The following SRPK1 variants were observed in gnomAD, a reference collection of about 807,000 sequenced individuals.
The protein encoded by SRPK1 is SRSF protein kinase 1.
Under a neutral mutation model 89.5 loss-of-function variants are expected in SRPK1, and 52 were observed. The ratio of observed to expected loss-of-function variants is 0.58; its 90% CI spans 0.46 to 0.73. SRPK1 has a LOEUF of 0.73. Among genes scored for constraint, SRPK1 ranks in the 30% least tolerant of loss-of-function variants. The pLI, the probability that SRPK1 is intolerant of heterozygous loss-of-function variation, is 0.00. For missense variants in SRPK1, 603 were observed against 780.6 expected (o/e 0.77, Z 2.71); for synonymous variants, 255 against 270.2 (o/e 0.94, Z 0.55).
At chr6:35,870,545 C>A (rs914791195) in intron 9 of SRPK1, 51 bp from the exon 10 acceptor site, 16 of 1,480,088 alleles carry the variant, frequency 1.1e-5, no homozygotes, top group Non-Finnish European at 1.4e-5. Context: ...AATTAATTAC[C>A]CCCAGTTGGA....
intron 2 of SRPK1, among the ~76,000 whole-genome samples, chr6:35,902,406 C>A (rs1581595847): frequency 6.6e-6 from 1 of 151,480 alleles, no homozygotes; most frequent in African/African-American, 2.4e-5. Context: ...CAAAGTGAGA[C>A]CCTGTTTCTA....
intron 12 of SRPK1, among the ~76,000 whole-genome samples, chr6:35,862,248 G>A (rs1355898471): frequency 3.3e-5 from 5 of 151,976 alleles, no homozygotes; most frequent in Admixed American, 3.3e-4. Flanking sequence ...ACTAACACTG[G>A]AATCAACGCT....
At chr6:35,843,715 C>T (rs963275492) in intron 13 of SRPK1, among the ~76,000 whole-genome samples, 4 of 152,128 alleles carry the variant, frequency 2.6e-5, no homozygotes, top group Admixed American at 1.3e-4. Flanking sequence ...TCCCAAAGTG[C>T]TGGGATTACA....
At chr6:35,878,680 A>G (rs1317816118) in intron 6 of SRPK1, among the ~76,000 whole-genome samples, 1 of 152,118 alleles carries the variant, frequency 6.6e-6, no homozygotes, top group Non-Finnish European at 1.5e-5. Context: ...ACCCCCCTCC[A>G]TTGTTTTAAG....
At chr6:35,846,885 CAA>C (rs1405815696) in intron 13 of SRPK1, among the ~76,000 whole-genome samples, 1 of 151,850 alleles carries the variant, frequency 6.6e-6, no homozygotes, top group Non-Finnish European at 1.5e-5. Flanking sequence ...CTGCTACTGC[CAA>C]AAAAAGACAA....
At position 35,838,376 on chromosome 6, in the gene SRPK1, C is replaced by T; in HGVS notation, c.1744G>A (p.Val582Met). Reference sequence around the variant, plus strand: ...AATTCCTTGGAATATTTTCCTGCCACAATGAGCTTGCGAGGCACCTTCCCC... The same window carrying T: ...AATTCCTTGGAATATTTTCCTGCCATAATGAGCTTGCGAGGCACCTTCCCC... Reference protein sequence around the residue: ...LLGKVPRKLIVAGKYSKEFFT... With the variant: ...LLGKVPRKLIMAGKYSKEFFT... The change falls in exon 15 of 16, where the codon GTG (valine) becomes ATG (methionine). Residue 582 changes from valine (V) to methionine (M), a missense_variant. Physicochemically the swap from Val to Met is conservative, Grantham distance 21. Transcript: ENST00000373825. 1 of 1,580,720 alleles carries T rather than the reference C, an allele frequency of 6.3e-7. No homozygotes were observed. The highest frequency in any genetic ancestry group is 1.7e-4 in the Middle Eastern group (1 of 5,978).
At position 35,857,248 on chromosome 6, in the gene SRPK1, GA is replaced by G. The variant is rs753952396; in HGVS notation, c.1620+12del. The G allele has an allele frequency of 3.1e-6, 5 of 1,597,762 alleles. No homozygotes were observed. The highest frequency in any genetic ancestry group is 3.4e-6 in the Non-Finnish European group (4 of 1,168,184). The stretch of plus-strand genomic sequence containing the variant: ...CCACTTAACAAGTGAAAGCCAAGGG[GA>G]AAAAACATTACCATGCATGCCGTGC... On this transcript the variant is annotated intron_variant, in intron 13 of 15. Coordinates refer to ENST00000373825, the MANE Select transcript of SRPK1 (RefSeq NM_003137.5).
chr6:35,886,876 G>A, intron 5 of SRPK1, 65 bp from the exon 6 acceptor site: 5 of 869,520 alleles, frequency 5.8e-6, no homozygotes, highest in East Asian at 2.5e-5. Flanking sequence ...GATGGTAGGG[G>A]AAGAATACTT....
In SRPK1 at chr6:35,874,257, A is replaced by G. The variant is rs1181491558; in HGVS notation, c.561T>C (p.Pro187=). Residue 187 remains proline (P), a synonymous_variant, in exon 7 of 16, where the codon CCT becomes CCC. Coordinates refer to ENST00000373825, the MANE Select transcript of SRPK1 (RefSeq NM_003137.5). ...CTTGCTGAATAATTTTTTTGACACA[A>G]GGCAGTGGAAGCCCCTGATAATTGG... ...IKSNYQGLPL[P]CVKKIIQQVL... is the part of the protein sequence containing the mutation. The G allele has an allele frequency of 6.2e-7, 1 of 1,612,936 alleles. No individual in the cohort carries two copies.
rs57574093 is a variant in SRPK1, at chr6:35,915,997, TACACACACACAC to T, written c.74+4459_74+4470del. Among the ~76,000 whole-genome samples the T allele has an allele frequency of 5.7e-3, 510 of 90,196 alleles. 16 individuals carry two copies. Among genetic ancestry groups the T allele is most frequent in the African/African-American group, 0.02 (355 of 17,700 alleles). 59.2% of individuals were successfully genotyped at this position (90,196 alleles called of 152,430 possible). A position where few individuals can be genotyped will look rare whatever the true frequency, so the allele number is the denominator to read the frequency against. ...AAAAACAAAAAAAAAAAAAAATATA[TACACACACACAC>T]ACACACACACACACACACACACACA... On this transcript the variant is annotated intron_variant, in intron 2 of 15. Coordinates refer to ENST00000373825, the MANE Select transcript of SRPK1 (RefSeq NM_003137.5).
intron 6 of SRPK1, among the ~76,000 whole-genome samples, chr6:35,885,422 A>G (rs563524126): frequency 1.3e-5 from 2 of 152,064 alleles, no homozygotes; most frequent in South Asian, 4.1e-4. Context: ...TGTGATTTGT[A>G]TTTTTCTAAG....
intron 2 of SRPK1, among the ~76,000 whole-genome samples, chr6:35,912,467 T>G (rs747417136): frequency 9.2e-5 from 14 of 152,176 alleles, no homozygotes; most frequent in Non-Finnish European, 1.9e-4. Context: ...TAAATTAAGG[T>G]CTGTACATTT....
At chr6:35,912,060 G>A (rs1770980611) in intron 2 of SRPK1, among the ~76,000 whole-genome samples, 1 of 152,082 alleles carries the variant, frequency 6.6e-6, no homozygotes, top group African/African-American at 2.4e-5. Context: ...ATAGCTGGGT[G>A]CAGTGGTTCA....
chr6:35,915,510 A>T (rs528617890), intron 2 of SRPK1, among the ~76,000 whole-genome samples: 229 of 152,298 alleles, frequency 1.5e-3, no homozygotes, highest in African/African-American at 5.3e-3. Flanking sequence ...ATCCTAAGGA[A>T]ATAATCACTG....
At chr6:35,920,390 C>A (rs1426965995) in intron 2 of SRPK1, 78 bp downstream of exon 2, 9 of 1,543,180 alleles carry the variant, frequency 5.8e-6, no homozygotes, top group Non-Finnish European at 7.1e-6. Context: ...ACCCGGTGCA[C>A]GTTCAAGACG....
chr6:35,908,802 A>G (rs1770901435), intron 2 of SRPK1, among the ~76,000 whole-genome samples: 2 of 152,218 alleles, frequency 1.3e-5, no homozygotes, highest in African/African-American at 4.8e-5. Flanking sequence ...TCAGAGGCTT[A>G]GGAGGAAAAA....
intron 6 of SRPK1, among the ~76,000 whole-genome samples, chr6:35,885,360 A>G (rs1466369762): frequency 6.6e-6 from 1 of 151,638 alleles, no homozygotes; most frequent in Non-Finnish European, 1.5e-5. Context: ...AATAAGCACA[A>G]GATACTGTTT....
chr6:35,880,742 A>AAAAAAAAAAAAAAAAGAAAG, intron 6 of SRPK1, among the ~76,000 whole-genome samples: 4 of 28,194 alleles, frequency 1.4e-4, no homozygotes, highest in Admixed American at 3.4e-4. Context: ...AAAGAAAAAA[A>AAAAAAAAAAAAAAAAGAAAG]AAAAAAAAGA....
intron 12 of SRPK1, among the ~76,000 whole-genome samples, chr6:35,860,479 G>C (rs968042814): frequency 6.6e-6 from 1 of 152,196 alleles, no homozygotes; most frequent in African/African-American, 2.4e-5. Flanking sequence ...CAAACATAAA[G>C]GCACCAGAGC....
Sources: allele counts gnomAD v4.1 joint callset (sites outside exome capture counted in the v4.1 genomes callset), GRCh38; gene constraint gnomAD v4.1.1; transcripts MANE v1.5; gene names NCBI Gene and HGNC (gene_info 2026-07-23, HGNC 2026-07-21).